LIN7A: variants seen among roughly 807,000 people sequenced by gnomAD.
LIN7A encodes the protein lin-7 cell polarity scaffold A, also known as protein lin-7 homolog A.
In LIN7A, 25 loss-of-function variants were observed where a neutral mutation model predicts 29.8. The ratio of observed to expected loss-of-function variants is 0.84; its 90% CI spans 0.61 to 1.17. LIN7A has a LOEUF of 1.17. Among genes scored for constraint, LIN7A ranks in the 50% most tolerant of loss-of-function variants. The pLI, the probability that LIN7A is intolerant of heterozygous loss-of-function variation, is 0.00. For missense variants in LIN7A, 239 were observed against 287.0 expected, an observed-to-expected ratio of 0.83 and a Z score of 1.21; for synonymous variants, 118 against 107.5, an observed-to-expected ratio of 1.10 and a Z score of -0.60.
chr12:80,809,628 A>G (rs1275655794), intron 5 of LIN7A, among the ~76,000 whole-genome samples: 1 of 152,222 alleles, frequency 6.6e-6, no homozygotes, highest in East Asian at 1.9e-4. Context: ...ATTTTCATCT[A>G]AAAAACTATT....
intron 1 of LIN7A, chr12:80,935,635 G>T (rs562749397): frequency 9.5e-6 from 2 of 211,292 alleles, no homozygotes; most frequent in Non-Finnish European, 2.2e-5. Context: ...AATAAGATAC[G>T]GAGAACAATA....
At chr12:80,816,483 T>TTA (rs138848035) in intron 4 of LIN7A, among the ~76,000 whole-genome samples, 36,533 of 150,662 alleles carry the variant, frequency 0.24, 5,176 homozygotes, top group Non-Finnish European at 0.33. Context: ...TATACAATAG[T>TTA]TATATATATA....
chr12:80,896,195 C>T (rs1875884851), intron 1 of LIN7A, among the ~76,000 whole-genome samples: 1 of 152,072 alleles, frequency 6.6e-6, no homozygotes, highest in Non-Finnish European at 1.5e-5. Context: ...GAAGGAGCAT[C>T]CAGACAGGAG....
intron 2 of LIN7A, among the ~76,000 whole-genome samples, chr12:80,867,900 A>T (rs1874224145): frequency 6.6e-6 from 1 of 152,210 alleles, no homozygotes. Context: ...GTAATGTATT[A>T]AAAAACTGCT....
At chr12:80,878,852 C>T (rs1334721295) in intron 2 of LIN7A, among the ~76,000 whole-genome samples, 2 of 152,118 alleles carry the variant, frequency 1.3e-5, no homozygotes, top group Non-Finnish European at 2.9e-5. Flanking sequence ...GCTAGTCACC[C>T]AGCACTGATT....
intron 5 of LIN7A, 98 bp downstream of exon 5, chr12:80,811,367 A>G (rs1871274685): frequency 2.0e-6 from 1 of 502,508 alleles, no homozygotes; most frequent in Admixed American, 3.4e-5. Flanking sequence ...ATATTTTAGA[A>G]CATATCTAAA....
chr12:80,841,572 T>A (rs1007116666), intron 4 of LIN7A: 1 of 152,120 alleles, frequency 6.6e-6, no homozygotes. Flanking sequence ...TTCCCTAAAA[T>A]TTTTTTCCCC....
At chr12:80,909,371 T>G (rs1163669) in intron 1 of LIN7A, among the ~76,000 whole-genome samples, 1 of 152,032 alleles carries the variant, frequency 6.6e-6, no homozygotes, top group Non-Finnish European at 1.5e-5. Flanking sequence ...TACTGTATCT[T>G]AATAGTAAGT....
intron 2 of LIN7A, among the ~76,000 whole-genome samples, chr12:80,887,445 G>T (rs1565916361): frequency 6.6e-6 from 1 of 152,134 alleles, no homozygotes; most frequent in Non-Finnish European, 1.5e-5. Flanking sequence ...CTTACTACAT[G>T]GCCTGCCAGG....
intron 1 of LIN7A, among the ~76,000 whole-genome samples, chr12:80,930,888 T>G (rs1877861639): frequency 6.6e-6 from 1 of 152,242 alleles, no homozygotes; most frequent in Non-Finnish European, 1.5e-5. Flanking sequence ...AAGCCAATTT[T>G]ATTCATTCAT....
chr12:80,898,847 T>A (rs188503716), intron 1 of LIN7A, among the ~76,000 whole-genome samples: 14 of 152,288 alleles, frequency 9.2e-5, no homozygotes, highest in Admixed American at 8.5e-4. Context: ...ATCCTGAAAT[T>A]TTGCTGAAGT....
intron 5 of LIN7A, among the ~76,000 whole-genome samples, chr12:80,798,868 G>A (rs889812806): frequency 7.9e-5 from 12 of 151,772 alleles, no homozygotes; most frequent in African/African-American, 1.5e-4. Context: ...GAGTAGCTGG[G>A]ACTACAGGCA....
chr12:80,811,824 C>G, intron 4 of LIN7A, 141 bp from the exon 5 acceptor site: 1 of 974,972 alleles, frequency 1.0e-6, no homozygotes, highest in Non-Finnish European at 1.5e-6. Flanking sequence ...TTACCATCAT[C>G]GTTATTATTT....
chr12:80,857,385 C>T (rs1209151205), intron 2 of LIN7A, among the ~76,000 whole-genome samples: 2 of 152,084 alleles, frequency 1.3e-5, no homozygotes, highest in Non-Finnish European at 2.9e-5. Context: ...TTGTATCTGG[C>T]TTCCTTTGGT....
intron 1 of LIN7A, among the ~76,000 whole-genome samples, chr12:80,923,766 C>T (rs1032352486): frequency 3.3e-5 from 5 of 152,306 alleles, no homozygotes; most frequent in Middle Eastern, 3.4e-3. Flanking sequence ...TATGCACTTG[C>T]TGTTGATAGT....
At chr12:80,903,261 T>G (rs557532519) in intron 1 of LIN7A, among the ~76,000 whole-genome samples, 1 of 152,150 alleles carries the variant, frequency 6.6e-6, no homozygotes. Flanking sequence ...TTTTATTACA[T>G]GGATATATTG....
At position 80,882,287 on chromosome 12, in the gene LIN7A, C is replaced by CTTTTTTTTTTTTTT. The variant is rs56000415; in HGVS notation, c.201+6950_201+6963dup. Among the ~76,000 whole-genome samples, 8 of 87,700 alleles carry CTTTTTTTTTTTTTT rather than the reference C, an allele frequency of 9.1e-5. 1 individual carries two copies. The highest frequency in any genetic ancestry group is 3.6e-4 in the South Asian group (1 of 2,776). The allele number at this position is 87,700 out of a possible 152,430, so 57.5% of individuals were successfully genotyped here. On this transcript the variant is annotated intron_variant, in intron 2 of 5. Coordinates refer to ENST00000552864, the MANE Select transcript of LIN7A (RefSeq NM_004664.4). ...ACAGTACTATCATTTTTCTTTCATTCTTTTTTTTTTTTTTTGAGACGGAGT... is the reference window on the plus strand; with the variant it reads ...ACAGTACTATCATTTTTCTTTCATTCTTTTTTTTTTTTTTTTTTTTTTTTTTTTTGAGACGGAGT...
chr12:80,894,636 TA>T (rs1237203444), intron 1 of LIN7A, among the ~76,000 whole-genome samples: 1 of 152,042 alleles, frequency 6.6e-6, no homozygotes, highest in Non-Finnish European at 1.5e-5. Flanking sequence ...AAATTGAGAT[TA>T]AAAAAAGAGA....
chr12:80,855,396 G>T (rs938610670), intron 2 of LIN7A, among the ~76,000 whole-genome samples: 5 of 151,958 alleles, frequency 3.3e-5, no homozygotes, highest in African/African-American at 1.2e-4. Context: ...TTTTTAAATG[G>T]ATTTCTTGAT....
Sources: allele counts gnomAD v4.1 joint callset (sites outside exome capture counted in the v4.1 genomes callset), GRCh38; gene constraint gnomAD v4.1.1; transcripts MANE v1.5; gene names NCBI Gene and HGNC (gene_info 2026-07-23, HGNC 2026-07-21).